Variants in EPS15L1 observed in about 807,000 individuals in gnomAD.
EPS15L1 encodes the protein epidermal growth factor receptor substrate 15-like 1.
EPS15L1 carries 43 observed loss-of-function variants against 117.1 expected under a neutral mutation model. That is an observed-to-expected ratio of 0.37 (90% confidence interval 0.29 to 0.47). The LOEUF (loss-of-function observed/expected upper bound fraction) is 0.47. Among genes scored for constraint, EPS15L1 ranks in the 20% least tolerant of loss-of-function variants. The pLI, the probability that EPS15L1 is intolerant of heterozygous loss-of-function variation, is 0.99. For missense variants in EPS15L1, 981 were observed against 1,164.0 expected (o/e 0.84, Z 2.29); for synonymous variants, 459 against 470.5 (o/e 0.98, Z 0.32).
In EPS15L1 at chr19:16,359,059, C is replaced by T. The variant is rs577498727; in HGVS notation, c.2586+2720G>A. On this transcript the variant is annotated intron_variant, in intron 23 of 23. Transcript: ENST00000455140. ...AAATTAGAGGGTTCTGGAGAGGCAC[C>T]GCCGGGGCACCACCTCCACAAGTGA... Among the ~76,000 whole-genome samples the T allele has an allele frequency of 1.6e-4, 25 of 152,280 alleles. No homozygotes were observed. The South Asian group carries it at 5.0e-3, about 30-fold the overall frequency.
chr19:16,414,707 G>GT (rs1339071484), intron 12 of EPS15L1, among the ~76,000 whole-genome samples: 1 of 143,008 alleles, frequency 7.0e-6, no homozygotes, highest in East Asian at 2.1e-4. Context: ...CCTTTTTTTG[G>GT]TTTTGTTTTT....
At chr19:16,465,739 G>T (rs142681211) in intron 1 of EPS15L1, among the ~76,000 whole-genome samples, 1 of 152,214 alleles carries the variant, frequency 6.6e-6, no homozygotes, top group African/African-American at 2.4e-5. Flanking sequence ...ACCTTTTAAT[G>T]AGATGAGATT....
intron 1 of EPS15L1, among the ~76,000 whole-genome samples, chr19:16,468,143 G>A (rs1274223698): frequency 6.6e-6 from 1 of 152,088 alleles, no homozygotes; most frequent in Non-Finnish European, 1.5e-5. Flanking sequence ...ATTCGGGTGG[G>A]GCTAAGGGAG....
At chr19:16,466,550 T>C (rs1298117750) in intron 1 of EPS15L1, among the ~76,000 whole-genome samples, 2 of 151,996 alleles carry the variant, frequency 1.3e-5, no homozygotes, top group African/African-American at 2.4e-5. Context: ...CCAGAAAGTG[T>C]CCAGCAAAAA....
intron 22 of EPS15L1, among the ~76,000 whole-genome samples, chr19:16,369,926 C>T (rs1472488269): frequency 6.6e-6 from 1 of 152,212 alleles, no homozygotes. Flanking sequence ...ATGCATGAGC[C>T]AGGCACGGGG....
intron 19 of EPS15L1, among the ~76,000 whole-genome samples, chr19:16,391,246 T>C (rs931452948): frequency 1.3e-5 from 2 of 151,586 alleles, no homozygotes; most frequent in East Asian, 3.9e-4. Flanking sequence ...AGAAAATCAA[T>C]GAAATAGAAA....
In EPS15L1 at chr19:16,355,851, A is replaced by G; in HGVS notation, c.2587T>C (p.Phe863Leu). 3.3e-6 allele frequency: 5 copies of G among 1,535,632 alleles called. No homozygotes were observed. Among genetic ancestry groups the G allele is most frequent in the Non-Finnish European group, 4.4e-6 (5 of 1,146,474 alleles). Reference sequence around the variant, plus strand: ...GCCAGCTGCTGCTCCTCATTGCCAAACTGCAAAGGAAAAACGGAGAGTGGG... The same window carrying G: ...GCCAGCTGCTGCTCCTCATTGCCAAGCTGCAAAGGAAAAACGGAGAGTGGG... ...SASGFADFTS[F>L]GNEEQQLAWA... is the part of the protein sequence containing the mutation. Residue 863 changes from phenylalanine (F) to leucine (L), a missense_variant and splice_region_variant, in exon 24 of 24, where the codon TTT (phenylalanine) becomes CTT (leucine). Physicochemically the swap from Phe to Leu is conservative, Grantham distance 22. Transcript: ENST00000455140.
At chr19:16,358,611 T>C (rs150172585) in intron 23 of EPS15L1, among the ~76,000 whole-genome samples, 1 of 151,934 alleles carries the variant, frequency 6.6e-6, no homozygotes, top group East Asian at 1.9e-4. Flanking sequence ...AGCAAATAAG[T>C]GGTTCATTTC....
intron 1 of EPS15L1, among the ~76,000 whole-genome samples, chr19:16,463,049 G>A (rs1388852039): frequency 6.6e-6 from 1 of 152,128 alleles, no homozygotes; most frequent in Non-Finnish European, 1.5e-5. Flanking sequence ...GGTGGGGCTC[G>A]GTTTTATTTA....
intron 15 of EPS15L1, among the ~76,000 whole-genome samples, chr19:16,403,043 G>A (rs759473502): frequency 1.3e-5 from 2 of 152,190 alleles, no homozygotes; most frequent in East Asian, 1.9e-4. Flanking sequence ...CTATAAACTG[G>A]CTAATGGAGC....
rs771745548 is a variant in EPS15L1 at position 16,402,485 on chromosome 19, C to T, written c.1627G>A (p.Ala543Thr). 6.3e-7 allele frequency: 1 copy of T among 1,592,262 alleles called. No individual in the cohort carries two copies. The highest frequency in any genetic ancestry group is 1.8e-5 in the Admixed American group (1 of 54,994). ...TGCAGCTGGGAAAGTTTGCTCCTTG[C>T]CTGTGCAACAAAGACATCATCAGCA... ...LKSTQDEINQ[A>T]RSKLSQLHES... Residue 543 changes from alanine to threonine, a missense_variant and splice_region_variant, in exon 16 of 24, where the codon GCA becomes ACA. Coordinates refer to ENST00000455140, the MANE Select transcript of EPS15L1 (RefSeq NM_001258374.3).
intron 8 of EPS15L1, among the ~76,000 whole-genome samples, chr19:16,427,493 A>T (rs1236583861): frequency 1.3e-5 from 2 of 152,222 alleles, no homozygotes; most frequent in Non-Finnish European, 2.9e-5. Flanking sequence ...AAAAAATGTC[A>T]GATCTTGAAG....
chr19:16,377,292 G>A, intron 21 of EPS15L1, 38 bp from the exon 22 acceptor site: 1 of 1,606,694 alleles, frequency 6.2e-7, no homozygotes, highest in Non-Finnish European at 8.5e-7. Flanking sequence ...AAAAATAGTT[G>A]TTAAAACAAA....
chr19:16,441,004 GC>G (rs2093026437), intron 3 of EPS15L1, 95 bp from the exon 4 acceptor site: 1 of 1,210,836 alleles, frequency 8.3e-7, no homozygotes. Flanking sequence ...CACTGGCCTT[GC>G]GGGGCAGGAG....
intron 19 of EPS15L1, among the ~76,000 whole-genome samples, chr19:16,388,047 G>T (rs1350011808): frequency 2.0e-5 from 3 of 152,104 alleles, no homozygotes; most frequent in Admixed American, 6.6e-5. Flanking sequence ...TACCAAATTT[G>T]TTTTGTTGTT....
At chr19:16,458,836 C>T (rs1399390362) in intron 1 of EPS15L1, among the ~76,000 whole-genome samples, 1 of 152,218 alleles carries the variant, frequency 6.6e-6, no homozygotes, top group Non-Finnish European at 1.5e-5. Context: ...GGGCACCTTT[C>T]ACTCCTTGTC....
In EPS15L1 at chr19:16,418,055, C is replaced by T; in HGVS notation, c.1000G>A (p.Ala334Thr). 6.2e-7 allele frequency: 1 copy of T among 1,614,198 alleles called. No individual in the cohort carries two copies. Among genetic ancestry groups the T allele is most frequent in the East Asian group, 2.2e-5 (1 of 44,886 alleles). ...QTGKLSKDQF[A>T]LAMYFIQQKV... ...TGCTGAATGAAATACATAGCTAACG[C>T]GAATTGGTCTTTGCTTAACTTCCCC... The change falls in exon 11 of 24, where the codon GCG becomes ACG. Residue 334 changes from alanine (A) to threonine (T), a missense_variant. By Grantham distance (58) the Ala-to-Thr change is moderately conservative (BLOSUM62 0). Transcript: ENST00000455140.
chr19:16,431,672 TC>T (rs1434185165), intron 7 of EPS15L1, among the ~76,000 whole-genome samples: 4 of 152,188 alleles, frequency 2.6e-5, no homozygotes, highest in African/African-American at 9.6e-5. Context: ...ATCATATCTT[TC>T]AGAGTCTTCC....
At chr19:16,470,399 A>T (rs923288875) in intron 1 of EPS15L1, among the ~76,000 whole-genome samples, 1 of 151,824 alleles carries the variant, frequency 6.6e-6, no homozygotes, top group African/African-American at 2.4e-5. Context: ...AAAAAAAAAA[A>T]TTGGACAGGA....
Sources: allele counts gnomAD v4.1 joint callset (sites outside exome capture counted in the v4.1 genomes callset), GRCh38; gene constraint gnomAD v4.1.1; transcripts MANE v1.5; gene names NCBI Gene and HGNC (gene_info 2026-07-23, HGNC 2026-07-21).